Variants in SOX6 observed in about 807,000 individuals in gnomAD.
The protein encoded by SOX6 is SRY-box transcription factor 6, also known as transcription factor SOX-6.
SOX6 carries 11 observed loss-of-function variants against 97.8 expected under a neutral mutation model. That is an observed-to-expected ratio of 0.11 (90% CI 0.07 to 0.19). The LOEUF is 0.19. Among genes scored for constraint, SOX6 ranks in the 10% least tolerant of loss-of-function variants. SOX6 has a pLI of 1.00. For missense variants in SOX6, 810 were observed against 1,039.5 expected (o/e 0.78, Z 3.04); for synonymous variants, 360 against 371.4 (o/e 0.97, Z 0.35).
chr11:16,341,274 G>T, intron 1 of SOX6, 22 bp from the exon 2 acceptor site: 5 of 1,611,102 alleles, frequency 3.1e-6, no homozygotes, highest in Admixed American at 1.7e-5. Context: ...AAACAGAACG[G>T]ATTAAAAATG....
intron 9 of SOX6, among the ~76,000 whole-genome samples, chr11:16,061,557 T>A (rs949025187): frequency 1.3e-5 from 2 of 151,776 alleles, no homozygotes; most frequent in African/African-American, 4.8e-5. Context: ...AAAATTCATA[T>A]GCAACCAAAA....
At chr11:16,583,622 T>TATATATATATAC (rs1848058330) in intron 4 of SOX6, among the ~76,000 whole-genome samples, 1 of 116,578 alleles carries the variant, frequency 8.6e-6, no homozygotes. Flanking sequence ...TACATATATA[T>TATATATATATAC]ATATATATAT....
At chr11:16,354,648 T>C (rs1857030254) in intron 1 of SOX6, among the ~76,000 whole-genome samples, 2 of 151,938 alleles carry the variant, frequency 1.3e-5, no homozygotes, top group African/African-American at 4.8e-5. Flanking sequence ...ATTAACCTCT[T>C]TCCTTGATTT....
rs568868585 is a variant in SOX6 at position 16,362,034 on chromosome 11, TGAAGCTTAAA to T, written c.-4-20792_-4-20783del. Among the ~76,000 whole-genome samples, 45 of 152,276 alleles carry T rather than the reference TGAAGCTTAAA, an allele frequency of 3.0e-4. 1 individual carries two copies. In the South Asian group the frequency reaches 7.0e-3, roughly 24 times the overall value. ...TCTCTACAGAATCAGCCTCTACAAA[TGAAGCTTAAA>T]GAAGATAATTTCCCACAGTTGTTTA... On this transcript the variant is annotated intron_variant, in intron 1 of 15. Coordinates refer to the SOX6 transcript ENST00000396356.
At chr11:16,076,044 A>G (rs1848344404) in intron 9 of SOX6, among the ~76,000 whole-genome samples, 1 of 152,130 alleles carries the variant, frequency 6.6e-6, no homozygotes, top group Admixed American at 6.5e-5. Context: ...CAGCCAAACC[A>G]TATCACTATC....
intron 4 of SOX6, among the ~76,000 whole-genome samples, chr11:16,230,637 C>G (rs16932777): frequency 0.21 from 31,221 of 151,530 alleles, 3,913 homozygotes; most frequent in Admixed American, 0.32. Context: ...GTCAGTTCAT[C>G]CTACCCTTTC....
chr11:16,312,366 C>T (rs1373659928), intron 3 of SOX6: 1 of 152,112 alleles, frequency 6.6e-6, no homozygotes, highest in East Asian at 1.9e-4. Flanking sequence ...ATCATTGTAT[C>T]CCTTTTCCTG....
intron 1 of SOX6, among the ~76,000 whole-genome samples, chr11:16,442,506 G>T (rs1373388952): frequency 6.6e-6 from 1 of 151,970 alleles, no homozygotes; most frequent in Non-Finnish European, 1.5e-5. Context: ...CACATATTTT[G>T]CATATTAATC....
chr11:15,982,417 T>C (rs936216180), intron 15 of SOX6, among the ~76,000 whole-genome samples: 1 of 152,088 alleles, frequency 6.6e-6, no homozygotes, highest in African/African-American at 2.4e-5. Context: ...ATCTTTATCA[T>C]TGCTAAAAAA....
At chr11:16,639,960 G>T (rs1848869270) in intron 3 of SOX6, among the ~76,000 whole-genome samples, 1 of 152,132 alleles carries the variant, frequency 6.6e-6, no homozygotes, top group South Asian at 2.1e-4. Flanking sequence ...AATAGGAGTG[G>T]TGAGAGAGGG....
At chr11:16,583,627 A>G (rs939230045) in intron 4 of SOX6, among the ~76,000 whole-genome samples, 2 of 139,416 alleles carry the variant, frequency 1.4e-5, no homozygotes, top group African/African-American at 5.1e-5. Context: ...ATATATATAT[A>G]TATATATATA....
chr11:16,116,371 T>C (rs982922977), intron 6 of SOX6, among the ~76,000 whole-genome samples: 1 of 152,210 alleles, frequency 6.6e-6, no homozygotes, highest in Non-Finnish European at 1.5e-5. Flanking sequence ...TTAAGTAACA[T>C]AACCAATTAA....
chr11:16,413,172 A>T (rs968830581), intron 1 of SOX6, among the ~76,000 whole-genome samples: 2 of 152,236 alleles, frequency 1.3e-5, no homozygotes, highest in Non-Finnish European at 2.9e-5. Context: ...ACTTCTTTGC[A>T]TTGTTTCTAG....
At position 16,495,054 on chromosome 11, in the gene SOX6, C is replaced by A. The variant is rs74569964; in HGVS notation, n.610-18666G>T. ...CACATCCCTGGATCCCCATTGACACCCTCCACCTGCAGCCAGTCACTACTG... is the reference window on the plus strand; with the variant it reads ...CACATCCCTGGATCCCCATTGACACACTCCACCTGCAGCCAGTCACTACTG... On this transcript the variant is annotated intron_variant and non_coding_transcript_variant, in intron 4 of 5. Coordinates refer to the SOX6 transcript ENST00000524520. 7.7e-3 allele frequency among the ~76,000 whole-genome samples: 1,165 copies of A among 152,230 alleles called. 15 individuals carry two copies. Among genetic ancestry groups the A allele is most frequent in the African/African-American group, 0.025 (1,049 of 41,532 alleles).
chr11:16,008,914 A>T (rs1854634796), intron 13 of SOX6, among the ~76,000 whole-genome samples: 1 of 151,786 alleles, frequency 6.6e-6, no homozygotes. Flanking sequence ...ACTCCTTTTC[A>T]CCAGGTCTTG....
At chr11:16,500,477 A>G (rs1185884708) in intron 4 of SOX6, among the ~76,000 whole-genome samples, 5 of 152,122 alleles carry the variant, frequency 3.3e-5, no homozygotes, top group African/African-American at 1.2e-4. Context: ...CAGGCAGGAG[A>G]AGGAAATAAA....
chr11:15,981,420 A>G (rs1473472588), intron 15 of SOX6, among the ~76,000 whole-genome samples: 2 of 152,064 alleles, frequency 1.3e-5, no homozygotes, highest in African/African-American at 4.8e-5. Context: ...AGCTTTGCCA[A>G]TTACAAAGTA....
intron 3 of SOX6, among the ~76,000 whole-genome samples, chr11:16,278,988 G>A (rs1348519308): frequency 6.6e-6 from 1 of 152,118 alleles, no homozygotes; most frequent in South Asian, 2.1e-4. Context: ...GAAGACTAAT[G>A]TGAAATGAGC....
chr11:16,527,846 G>A (rs1020841673), intron 4 of SOX6, among the ~76,000 whole-genome samples: 15 of 152,054 alleles, frequency 9.9e-5, no homozygotes, highest in Admixed American at 2.6e-4. Flanking sequence ...AATGTCTGTC[G>A]TTTCAAGCCA....
Sources: allele counts gnomAD v4.1 joint callset (sites outside exome capture counted in the v4.1 genomes callset), GRCh38; gene constraint gnomAD v4.1.1; transcripts MANE v1.5; gene names NCBI Gene and HGNC (gene_info 2026-07-23, HGNC 2026-07-21).